LRP1B: variants seen among roughly 807,000 people sequenced by gnomAD.
LRP1B encodes low-density lipoprotein receptor-related protein 1B.
A neutral mutation model predicts 556.6 loss-of-function variants in LRP1B; 217 were observed. The observed-to-expected ratio is 0.39, with a 90% CI of 0.35 to 0.44. LRP1B has a LOEUF of 0.44. Among genes scored for constraint, LRP1B ranks in the 20% least tolerant of loss-of-function variants. The probability of loss-of-function intolerance (pLI) is 1.00; values close to 1 mark genes in which losing one functional copy is unlikely to be tolerated. For synonymous variants in LRP1B, 2,047 were observed against 1,865.8 expected (o/e 1.10, Z -2.50); for missense variants, 5,053 against 5,620.8 (o/e 0.90, Z 3.23).
chr2:140,245,853 G>A (rs1681137363), intron 87 of LRP1B, among the ~76,000 whole-genome samples: 1 of 151,166 alleles, frequency 6.6e-6, no homozygotes, highest in African/African-American at 2.4e-5. Context: ...GCTTCCCTAT[G>A]GCCTCACCCT....
intron 2 of LRP1B, among the ~76,000 whole-genome samples, chr2:141,498,963 G>A (rs927235026): frequency 1.3e-5 from 2 of 152,074 alleles, no homozygotes; most frequent in Non-Finnish European, 2.9e-5. Flanking sequence ...CTCAGAATAA[G>A]GTGGTCAGTA....
At chr2:141,544,423 TCTCCTC>T (rs1177896770) in intron 2 of LRP1B, among the ~76,000 whole-genome samples, 1 of 119,310 alleles carries the variant, frequency 8.4e-6, no homozygotes, top group Admixed American at 8.9e-5. Flanking sequence ...TTCTCCTCCT[TCTCCTC>T]CTTCTCCTCC....
intron 29 of LRP1B, among the ~76,000 whole-genome samples, chr2:140,843,433 C>T (rs967307595): frequency 6.6e-6 from 1 of 152,096 alleles, no homozygotes; most frequent in Non-Finnish European, 1.5e-5. Context: ...TCAACAGCTT[C>T]TAGCCACCCA....
chr2:141,153,338 AT>A (rs1701975659), intron 7 of LRP1B, among the ~76,000 whole-genome samples: 1 of 115,770 alleles, frequency 8.6e-6, no homozygotes, highest in Admixed American at 1.2e-4. Context: ...TTATATAATA[AT>A]ATATTATATA....
At chr2:141,641,999 ACAAACAAAACC>A (rs751349207) in intron 2 of LRP1B, among the ~76,000 whole-genome samples, 6,069 of 152,084 alleles carry the variant, frequency 0.04, 164 homozygotes, top group South Asian at 0.085. Context: ...AAACAAACAA[ACAAACAAAACC>A]CCCCCCCAAA....
chr2:140,274,375 T>C (rs1196350938), intron 85 of LRP1B, 49 bp downstream of exon 85: 1 of 1,488,580 alleles, frequency 6.7e-7, no homozygotes, highest in Non-Finnish European at 9.4e-7. Context: ...AACTGCAATG[T>C]CCATTGGTGT....
intron 1 of LRP1B, among the ~76,000 whole-genome samples, chr2:141,870,771 T>A (rs923643809): frequency 1.3e-5 from 2 of 151,982 alleles, no homozygotes; most frequent in Admixed American, 1.3e-4. Flanking sequence ...GTCATCGTGG[T>A]GAAAAAAAAT....
chr2:140,620,028 T>C (rs487378), intron 41 of LRP1B, among the ~76,000 whole-genome samples: 150,534 of 152,282 alleles, frequency 0.99, 74,430 homozygotes, highest in Middle Eastern at 1. Flanking sequence ...TTTCTTTCTC[T>C]TTTGTCTTTT....
chr2:141,665,500 T>C (rs1427389207), intron 2 of LRP1B, among the ~76,000 whole-genome samples: 1 of 152,128 alleles, frequency 6.6e-6, no homozygotes, highest in Non-Finnish European at 1.5e-5. Context: ...AATTCAATCA[T>C]TGTGGAAGAC....
At chr2:141,389,920 A>C (rs1471686288) in intron 3 of LRP1B, among the ~76,000 whole-genome samples, 1 of 152,180 alleles carries the variant, frequency 6.6e-6, no homozygotes, top group Non-Finnish European at 1.5e-5. Flanking sequence ...CAGGTGGATC[A>C]CCAGAGGTCG....
At chr2:141,499,490 G>A (rs1683636423) in intron 2 of LRP1B, among the ~76,000 whole-genome samples, 1 of 151,910 alleles carries the variant, frequency 6.6e-6, no homozygotes, top group African/African-American at 2.4e-5. Flanking sequence ...TATTTGTTTT[G>A]CTTTGAGTTT....
At chr2:142,084,930 G>T (rs143481626) in intron 1 of LRP1B, among the ~76,000 whole-genome samples, 6 of 151,962 alleles carry the variant, frequency 3.9e-5, no homozygotes, top group Non-Finnish European at 8.8e-5. Context: ...AAAATGTTCC[G>T]CCTAGAGTGC....
At chr2:141,037,715 G>C (rs556071774) in intron 11 of LRP1B, among the ~76,000 whole-genome samples, 1 of 151,964 alleles carries the variant, frequency 6.6e-6, no homozygotes, top group African/African-American at 2.4e-5. Context: ...TTGTCCAGCT[G>C]GATACAGGGA....
At chr2:141,812,676 G>A (rs892369327) in intron 1 of LRP1B, among the ~76,000 whole-genome samples, 3 of 152,156 alleles carry the variant, frequency 2.0e-5, no homozygotes, top group African/African-American at 7.2e-5. Context: ...ATAATTTGAA[G>A]CCATGGAAAA....
chr2:141,988,479 C>T (rs553318448), intron 1 of LRP1B, among the ~76,000 whole-genome samples: 1 of 151,924 alleles, frequency 6.6e-6, no homozygotes, highest in African/African-American at 2.4e-5. Flanking sequence ...TCCTTATGTA[C>T]ATTATCCAGT....
At chr2:142,111,983 T>C (rs1190043361) in intron 1 of LRP1B, among the ~76,000 whole-genome samples, 1 of 152,096 alleles carries the variant, frequency 6.6e-6, no homozygotes, top group Non-Finnish European at 1.5e-5. Context: ...CAGTCTTTTC[T>C]TATACAATGA....
chr2:141,924,435 C>T (rs1206295186), intron 1 of LRP1B, among the ~76,000 whole-genome samples: 1 of 152,164 alleles, frequency 6.6e-6, no homozygotes, highest in African/African-American at 2.4e-5. Context: ...TATCCCCATT[C>T]TTCTGGAACA....
At chr2:141,135,749 C>A (rs1465393323) in intron 7 of LRP1B, among the ~76,000 whole-genome samples, 6 of 151,858 alleles carry the variant, frequency 4.0e-5, no homozygotes, top group African/African-American at 1.5e-4. Context: ...TTTCCCAGGT[C>A]ATTTACAAGT....
At chr2:141,434,578 A>C (rs1680683959) in intron 3 of LRP1B, among the ~76,000 whole-genome samples, 1 of 152,038 alleles carries the variant, frequency 6.6e-6, no homozygotes, top group Non-Finnish European at 1.5e-5. Context: ...TTCTAAATGT[A>C]CCATTTGGGG....
Sources: allele counts gnomAD v4.1 joint callset (sites outside exome capture counted in the v4.1 genomes callset), GRCh38; gene constraint gnomAD v4.1.1; transcripts MANE v1.5; gene names NCBI Gene and HGNC (gene_info 2026-07-23, HGNC 2026-07-21).